Variants in BRD10 observed in about 807,000 individuals in gnomAD.
BRD10 encodes uncharacterized bromodomain-containing protein 10.
At chr9:6,005,637 C>A in the BRD10 span, among the ~76,000 whole-genome samples, 2 of 152,200 alleles carry the variant, frequency 1.3e-5, no homozygotes, top group Non-Finnish European at 2.9e-5. Context: ...ATTCCCACAT[C>A]TGATAGATTA....
At chr9:5,920,058 G>A in the BRD10 span, 6 of 1,613,994 alleles carry the variant, frequency 3.7e-6, no homozygotes, top group South Asian at 5.5e-5. Context: ...GGTGATGTAT[G>A]TACTGTGGGT....
chr9:6,004,566 T>C, the BRD10 span, among the ~76,000 whole-genome samples: 1 of 152,224 alleles, frequency 6.6e-6, no homozygotes, highest in Non-Finnish European at 1.5e-5. Context: ...TTAAAGTCTC[T>C]TTACACTTTG....
At chr9:5,906,801 T>G in the BRD10 span, 5 of 831,906 alleles carry the variant, frequency 6.0e-6, no homozygotes, top group South Asian at 2.0e-5. Context: ...AAACTCATTC[T>G]TAAAACTTTG....
chr9:5,911,816 C>T, the BRD10 span, among the ~76,000 whole-genome samples: 13 of 152,116 alleles, frequency 8.5e-5, no homozygotes, highest in South Asian at 2.1e-3. Flanking sequence ...ATTACAGGCA[C>T]GAGCCACCAC....
the BRD10 span, chr9:5,919,586 T>C: frequency 1.1e-5 from 4 of 355,250 alleles, no homozygotes; most frequent in South Asian, 3.6e-5. Context: ...ACACACACAA[T>C]GTATAGTATG....
At chr9:6,000,074 T>C in the BRD10 span, among the ~76,000 whole-genome samples, 3 of 152,204 alleles carry the variant, frequency 2.0e-5, no homozygotes, top group Non-Finnish European at 4.4e-5. Context: ...CTAGGACATA[T>C]AGAAAAGTTA....
the BRD10 span, among the ~76,000 whole-genome samples, chr9:5,879,260 C>T: frequency 7.9e-5 from 12 of 151,832 alleles, no homozygotes; most frequent in East Asian, 1.9e-4. Context: ...GTCAGGAGTT[C>T]GAGACCAGCC....
chr9:5,918,196 T>C, the BRD10 span, among the ~76,000 whole-genome samples: 2 of 152,280 alleles, frequency 1.3e-5, no homozygotes, highest in South Asian at 4.1e-4. Flanking sequence ...TTAGTGACTT[T>C]CTAGGAATAT....
the BRD10 span, among the ~76,000 whole-genome samples, chr9:5,939,103 A>C: frequency 0.2 from 30,805 of 152,006 alleles, 3,266 homozygotes; most frequent in Middle Eastern, 0.29. Context: ...AATAGAATAA[A>C]ATTTATTTTT....
chr9:5,956,316 ACGT>A, the BRD10 span, among the ~76,000 whole-genome samples: 1 of 152,164 alleles, frequency 6.6e-6, no homozygotes, highest in Non-Finnish European at 1.5e-5. Context: ...TCAGTTCACC[ACGT>A]CATTAGGATG....
At chr9:5,938,783 C>T in the BRD10 span, among the ~76,000 whole-genome samples, 2 of 152,114 alleles carry the variant, frequency 1.3e-5, no homozygotes, top group Admixed American at 6.5e-5. Context: ...GTTTTGTTAA[C>T]CATTAACGAG....
At chr9:5,907,184 T>C in the BRD10 span, 4 of 368,336 alleles carry the variant, frequency 1.1e-5, no homozygotes, top group East Asian at 4.1e-5. Context: ...AAATAAATAA[T>C]AATAAAAAAC....
chr9:5,958,501 G>T, the BRD10 span, among the ~76,000 whole-genome samples: 1 of 152,142 alleles, frequency 6.6e-6, no homozygotes. Context: ...CAAGTGTGGT[G>T]GTGCATGCCT....
the BRD10 span, among the ~76,000 whole-genome samples, chr9:5,948,523 GTA>G: frequency 6.6e-6 from 1 of 151,638 alleles, no homozygotes; most frequent in Non-Finnish European, 1.5e-5. Context: ...CTCCATGACC[GTA>G]TCTCAGAACT....
At chr9:5,917,132 A>C in the BRD10 span, among the ~76,000 whole-genome samples, 1 of 152,208 alleles carries the variant, frequency 6.6e-6, no homozygotes, top group African/African-American at 2.4e-5. Context: ...CTGGCACAAT[A>C]ATGATGATGA....
At chr9:5,981,935 T>C in the BRD10 span, among the ~76,000 whole-genome samples, 1 of 152,152 alleles carries the variant, frequency 6.6e-6, no homozygotes, top group Non-Finnish European at 1.5e-5. Flanking sequence ...AAGTGTACAC[T>C]GCTCGGGTGA....
chr9:5,919,729 A>G, the BRD10 span: 5 of 1,612,940 alleles, frequency 3.1e-6, no homozygotes, highest in Non-Finnish European at 4.2e-6. Context: ...ACGACTGAAA[A>G]GCAGGGAAGA....
chr9:5,893,467 G>C, the BRD10 span, among the ~76,000 whole-genome samples: 1 of 152,196 alleles, frequency 6.6e-6, no homozygotes, highest in Non-Finnish European at 1.5e-5. Context: ...GCCCAACAAA[G>C]GCACTGAGGA....
At chr9:5,917,989 C>T in the BRD10 span, among the ~76,000 whole-genome samples, 1 of 152,180 alleles carries the variant, frequency 6.6e-6, no homozygotes, top group Admixed American at 6.5e-5. Flanking sequence ...AGTTTTGGGT[C>T]ATTTTGTTTT....
Sources: allele counts gnomAD v4.1 joint callset (sites outside exome capture counted in the v4.1 genomes callset), GRCh38; gene constraint gnomAD v4.1.1; transcripts MANE v1.5; gene names NCBI Gene and HGNC (gene_info 2026-07-23, HGNC 2026-07-21).